NHEJ1: variants seen among roughly 807,000 people sequenced by gnomAD.
NHEJ1 encodes non-homologous end-joining factor 1.
Under a neutral mutation model 39.4 loss-of-function variants are expected in NHEJ1, and 22 were observed. That is an observed-to-expected ratio of 0.56 (90% CI 0.40 to 0.80). The LOEUF is 0.80. Ranked by LOEUF, NHEJ1 falls within the 30% of genes least tolerant of loss-of-function variation. NHEJ1 has a pLI of 0.00. For synonymous variants in NHEJ1, 154 were observed against 135.6 expected (o/e 1.14, Z -0.94); for missense variants, 329 against 357.1 (o/e 0.92, Z 0.63).
At chr2:219,085,073 T>C (rs1380171964) in intron 5 of NHEJ1, among the ~76,000 whole-genome samples, 1 of 152,160 alleles carries the variant, frequency 6.6e-6, no homozygotes, top group Non-Finnish European at 1.5e-5. Context: ...ATACACTCAA[T>C]AAGGGCTATC....
chr2:219,129,566 A>G (rs964529428), intron 5 of NHEJ1, among the ~76,000 whole-genome samples: 1 of 152,160 alleles, frequency 6.6e-6, no homozygotes, highest in Non-Finnish European at 1.5e-5. Flanking sequence ...CCAAGTTTCT[A>G]TGAAGACTAA....
intron 3 of NHEJ1, among the ~76,000 whole-genome samples, chr2:219,152,789 T>TTATTTATTTATTTA (rs60094718): frequency 6.5e-4 from 57 of 87,784 alleles, no homozygotes; most frequent in Admixed American, 1.2e-3. Context: ...ATTTATTTAT[T>TTATTTATTTATTTA]TTTATTTATT....
At chr2:219,100,742 G>A (rs2106332995) in intron 5 of NHEJ1, among the ~76,000 whole-genome samples, 1 of 152,270 alleles carries the variant, frequency 6.6e-6, no homozygotes, top group Non-Finnish European at 1.5e-5. Flanking sequence ...AAGCCAGACA[G>A]GGTTGAGGAA....
intron 5 of NHEJ1, among the ~76,000 whole-genome samples, chr2:219,103,368 C>T (rs142227621): frequency 0.016 from 2,440 of 151,834 alleles, 69 homozygotes; most frequent in African/African-American, 0.055. Flanking sequence ...CTCTGCCTCC[C>T]GGGTTCAAGC....
intron 5 of NHEJ1, among the ~76,000 whole-genome samples, chr2:219,084,346 C>G (rs1020685470): frequency 6.6e-6 from 1 of 152,118 alleles, no homozygotes. Context: ...TGGGATGCGA[C>G]CCCATCATAA....
intron 5 of NHEJ1, among the ~76,000 whole-genome samples, chr2:219,126,230 A>C (rs1176228767): frequency 6.6e-6 from 1 of 152,248 alleles, no homozygotes; most frequent in Non-Finnish European, 1.5e-5. Flanking sequence ...TTTCATTACA[A>C]CAAAGCCTCT....
chr2:219,095,597 G>A (rs1949200472), intron 5 of NHEJ1, among the ~76,000 whole-genome samples: 1 of 152,130 alleles, frequency 6.6e-6, no homozygotes, highest in Admixed American at 6.6e-5. Flanking sequence ...TTACCACAGG[G>A]ATGAGAGCTC....
intron 3 of NHEJ1, among the ~76,000 whole-genome samples, chr2:219,150,373 G>A (rs887745443): frequency 1.3e-5 from 2 of 152,174 alleles, no homozygotes; most frequent in East Asian, 1.9e-4. Flanking sequence ...CTACCACACA[G>A]CACATCCCAA....
chr2:219,146,793 T>C, intron 4 of NHEJ1, 55 bp from the exon 5 acceptor site: 1 of 1,353,846 alleles, frequency 7.4e-7, no homozygotes, highest in Non-Finnish European at 1.1e-6. Flanking sequence ...ATGAGTTTCT[T>C]ACCTGATGGA....
In NHEJ1 at chr2:219,069,927, G is replaced by C. The variant is rs1355768803; in HGVS notation, c.*6454C>G. On this transcript the variant is annotated 3_prime_UTR_variant, in exon 8 of 8. Coordinates refer to ENST00000356853, the MANE Select transcript of NHEJ1 (RefSeq NM_024782.3). ...CAGATTGCTATAAAGCAATTCAAGG[G>C]AATGGCACTGGCTTGTAGGAAATGT... is the stretch of plus-strand genomic sequence containing the variant. The C allele has an allele frequency of 6.6e-6, 1 of 152,234 alleles. No individual in the cohort carries two copies. Among genetic ancestry groups the C allele is most frequent in the Admixed American group, 6.5e-5 (1 of 15,284 alleles). 9.4% of individuals were successfully genotyped at this position (152,234 alleles called of 1,614,324 possible).
chr2:219,110,016 C>A (rs542048760), intron 5 of NHEJ1, among the ~76,000 whole-genome samples: 2 of 152,214 alleles, frequency 1.3e-5, no homozygotes, highest in Admixed American at 6.5e-5. Context: ...TGGGTATGTA[C>A]CCCCTATGAA....
At chr2:219,116,208 G>C (rs923981239) in intron 5 of NHEJ1, among the ~76,000 whole-genome samples, 11 of 152,244 alleles carry the variant, frequency 7.2e-5, no homozygotes, top group African/African-American at 2.4e-4. Flanking sequence ...CCTATGCCCT[G>C]GCTCAGGCAG....
intron 5 of NHEJ1, among the ~76,000 whole-genome samples, chr2:219,140,879 A>T (rs914386501): frequency 8.5e-5 from 13 of 152,226 alleles, no homozygotes; most frequent in African/African-American, 3.1e-4. Flanking sequence ...AAAAGGATCA[A>T]ATCATAAATG....
chr2:219,095,024 C>A (rs567317875), intron 5 of NHEJ1, among the ~76,000 whole-genome samples: 1 of 152,142 alleles, frequency 6.6e-6, no homozygotes, highest in Non-Finnish European at 1.5e-5. Flanking sequence ...TAACAACACC[C>A]CACTCCATCC....
chr2:219,152,027 T>C (rs969600115), intron 3 of NHEJ1, among the ~76,000 whole-genome samples: 1 of 152,104 alleles, frequency 6.6e-6, no homozygotes, highest in African/African-American at 2.4e-5. Flanking sequence ...ACAGACACTA[T>C]AAGGAAAAAT....
chr2:219,080,550 A>AAAAT (rs1171152711), intron 5 of NHEJ1, among the ~76,000 whole-genome samples: 4 of 136,386 alleles, frequency 2.9e-5, no homozygotes, highest in East Asian at 2.0e-4. Context: ...AATAAATAAA[A>AAAAT]ATATATATAT....
intron 5 of NHEJ1, among the ~76,000 whole-genome samples, chr2:219,144,888 G>A (rs2106360270): frequency 6.6e-6 from 1 of 152,264 alleles, no homozygotes; most frequent in East Asian, 1.9e-4. Context: ...ACAAGTTTAG[G>A]TTTAACGGTC....
intron 5 of NHEJ1, among the ~76,000 whole-genome samples, chr2:219,080,576 T>C (rs545035252): frequency 1.6e-5 from 2 of 127,364 alleles, no homozygotes; most frequent in African/African-American, 6.0e-5. Context: ...TATGCTTTTA[T>C]ATATATACGC....
At chr2:219,091,016 G>A (rs1261406383) in intron 5 of NHEJ1, among the ~76,000 whole-genome samples, 1 of 152,164 alleles carries the variant, frequency 6.6e-6, no homozygotes, top group Non-Finnish European at 1.5e-5. Flanking sequence ...AGAGTTCAGG[G>A]ACCATTCATC....
Sources: allele counts gnomAD v4.1 joint callset (sites outside exome capture counted in the v4.1 genomes callset), GRCh38; gene constraint gnomAD v4.1.1; transcripts MANE v1.5; gene names NCBI Gene and HGNC (gene_info 2026-07-23, HGNC 2026-07-21).